Variants in ADCY1 observed in about 807,000 individuals in gnomAD.
The protein encoded by ADCY1 is adenylate cyclase type 1.
In ADCY1, 28 loss-of-function variants were observed where a neutral mutation model predicts 105.4. The observed-to-expected ratio is 0.27, with a 90% confidence interval of 0.20 to 0.36. The LOEUF is 0.36. ADCY1 is among the 10% of genes least tolerant of loss of function. The probability of loss-of-function intolerance (pLI) is 1.00; values close to 1 mark genes in which losing one functional copy is unlikely to be tolerated. For missense variants in ADCY1, 977 were observed against 1,434.2 expected (o/e 0.68, Z 5.15); for synonymous variants, 655 against 623.8 (o/e 1.05, Z -0.75).
intron 4 of ADCY1, among the ~76,000 whole-genome samples, chr7:45,637,934 C>CTGT (rs1794436866): frequency 6.6e-6 from 1 of 152,206 alleles, no homozygotes; most frequent in Non-Finnish European, 1.5e-5. Context: ...TTCTCTCATG[C>CTGT]TGTCTCCAAT....
intron 3 of ADCY1, among the ~76,000 whole-genome samples, chr7:45,614,130 A>C (rs1793667083): frequency 6.6e-6 from 1 of 152,228 alleles, no homozygotes; most frequent in African/African-American, 2.4e-5. Flanking sequence ...TATTACTGTA[A>C]TTGTAGTGCA....
At position 45,710,818 on chromosome 7, in the gene ADCY1, C is replaced by T. The variant is rs540933566; in HGVS notation, c.3057+166C>T. On this transcript the variant is annotated intron_variant, in intron 19 of 19. Coordinates refer to ENST00000297323, the MANE Select transcript of ADCY1 (RefSeq NM_021116.4). This position sits in a 1 kb window ranked among gnomAD's most constrained non-coding sequence, Gnocchi z 4.7. ...GCTCTGGAGGGCATCCTGGCCCGGG[C>T]ATCTTGATTTTGCTGTTTGGTTTGT... Among the ~76,000 whole-genome samples, 60 of 152,302 alleles carry T rather than the reference C, an allele frequency of 3.9e-4. No homozygotes were observed. The highest frequency in any genetic ancestry group is 2.2e-3 in the Admixed American group (33 of 15,304).
chr7:45,586,790 C>T lies in ADCY1; in HGVS notation c.640-5969C>T, dbSNP rs139784282. Among the ~76,000 whole-genome samples, 362 of 152,330 alleles carry T rather than the reference C, an allele frequency of 2.4e-3. 1 individual carries two copies. The highest frequency in any genetic ancestry group is 3.9e-3 in the Non-Finnish European group (266 of 68,032). On this transcript the variant is annotated intron_variant, in intron 1 of 19. Transcript: ENST00000297323. The stretch of plus-strand genomic sequence containing the variant: ...GACACCTGGGAGGTGGCAGGCTGAT[C>T]GCAGTCTGGGAATTTACCAATGAGA...
intron 4 of ADCY1, among the ~76,000 whole-genome samples, chr7:45,643,054 G>C (rs7777413): frequency 0.033 from 4,939 of 150,172 alleles, 121 homozygotes; most frequent in African/African-American, 0.064. Flanking sequence ...TTTATTTTTG[G>C]TGTTAAATTT....
At chr7:45,610,781 G>GT (rs1351223761) in intron 3 of ADCY1, among the ~76,000 whole-genome samples, 2 of 129,398 alleles carry the variant, frequency 1.5e-5, no homozygotes, top group South Asian at 2.6e-4. Context: ...TGGAGGTGTG[G>GT]GGGTGATGGT....
rs1220821565 is a variant in ADCY1, at chr7:45,721,628, G to A, written c.*7633G>A. ...ACTTTTACTTTCATCTTCCTCTGCT[G>A]TAGAGCCATTTAATGTTATTGTCAT... On this transcript the variant is annotated 3_prime_UTR_variant, in exon 20 of 20. Coordinates refer to ENST00000297323, the MANE Select transcript of ADCY1 (RefSeq NM_021116.4). The A allele has an allele frequency of 7.5e-6, 3 of 398,510 alleles. No individual in the cohort carries two copies. Among genetic ancestry groups the A allele is most frequent in the Admixed American group, 4.4e-5 (1 of 22,710 alleles). 24.7% of individuals were successfully genotyped at this position (398,510 alleles called of 1,614,324 possible).
chr7:45,643,796 T>A (rs1396416798), intron 4 of ADCY1, among the ~76,000 whole-genome samples: 1 of 152,146 alleles, frequency 6.6e-6, no homozygotes, highest in Non-Finnish European at 1.5e-5. Flanking sequence ...CCTCCATGGT[T>A]CCTTTTGGTT....
chr7:45,636,503 C>CT (rs1294171116), intron 4 of ADCY1, among the ~76,000 whole-genome samples: 6 of 152,126 alleles, frequency 3.9e-5, no homozygotes, highest in African/African-American at 1.4e-4. Context: ...TGTGGAGGGT[C>CT]TGTGTCTTAT....
rs58025464 is a variant in ADCY1 at position 45,673,964 on chromosome 7, CATATATATATATATATAT to C, written c.1606-3878_1606-3861del. Among the ~76,000 whole-genome samples, 827 of 115,134 alleles carry C rather than the reference CATATATATATATATATAT, an allele frequency of 7.2e-3. 17 individuals carry two copies. The highest frequency in any genetic ancestry group is 0.027 in the African/African-American group (679 of 24,814). The allele number at this position is 115,134 out of a possible 152,430, so 75.5% of individuals were successfully genotyped here. A position where few individuals can be genotyped will look rare whatever the true frequency, so the allele number is the denominator to read the frequency against. On this transcript the variant is annotated intron_variant, in intron 8 of 19. Coordinates refer to ENST00000297323, the MANE Select transcript of ADCY1 (RefSeq NM_021116.4). ...TTTGGCATATGTTCATTCAGATGAG[CATATATATATATATATAT>C]ATATATATATATATATATATATATA... is the stretch of plus-strand genomic sequence containing the variant.
intron 1 of ADCY1, among the ~76,000 whole-genome samples, chr7:45,576,105 G>T (rs566171167): frequency 2.0e-5 from 3 of 152,376 alleles, no homozygotes; most frequent in African/African-American, 7.2e-5. Context: ...GCCTCTAGCT[G>T]CAGTTTAGCA....
At chr7:45,709,089 TC>T (rs1445284936) in intron 18 of ADCY1, among the ~76,000 whole-genome samples, 1 of 152,160 alleles carries the variant, frequency 6.6e-6, no homozygotes, top group African/African-American at 2.4e-5. Context: ...AATTCAAACA[TC>T]CAGTAGCCTT....
At chr7:45,676,470 G>A (rs1200964187) in intron 8 of ADCY1, among the ~76,000 whole-genome samples, 1 of 151,936 alleles carries the variant, frequency 6.6e-6, no homozygotes, top group Non-Finnish European at 1.5e-5. Context: ...GTGATACTCT[G>A]GATCCTACTG....
intron 4 of ADCY1, among the ~76,000 whole-genome samples, chr7:45,623,036 G>C (rs1012084391): frequency 2.6e-5 from 4 of 152,240 alleles, no homozygotes; most frequent in Non-Finnish European, 4.4e-5. Context: ...ACGTAGGTAC[G>C]GGTCTGTCCT....
intron 5 of ADCY1, among the ~76,000 whole-genome samples, chr7:45,654,446 T>G (rs1212203851): frequency 2.0e-5 from 3 of 152,240 alleles, no homozygotes; most frequent in Non-Finnish European, 4.4e-5. Context: ...ACTTTTGAGC[T>G]GCTAAGTTCA....
chr7:45,645,765 A>G (rs1426405666), intron 4 of ADCY1, among the ~76,000 whole-genome samples: 1 of 151,938 alleles, frequency 6.6e-6, no homozygotes, highest in Non-Finnish European at 1.5e-5. Context: ...GACCCACATC[A>G]CCCTCAAAGT....
At chr7:45,597,873 A>C (rs1793120825) in intron 2 of ADCY1, among the ~76,000 whole-genome samples, 1 of 152,172 alleles carries the variant, frequency 6.6e-6, no homozygotes. Flanking sequence ...TCTCTGCTGT[A>C]CTTAGGAAAG....
intron 11 of ADCY1, chr7:45,680,557 A>C (rs182235532): frequency 6.6e-6 from 1 of 152,404 alleles, no homozygotes; most frequent in East Asian, 1.9e-4. Flanking sequence ...AACTTTTTGA[A>C]AAGATTAAAT....
chr7:45,623,904 TC>T (rs1051336730), intron 4 of ADCY1, among the ~76,000 whole-genome samples: 1 of 152,106 alleles, frequency 6.6e-6, no homozygotes, highest in African/African-American at 2.4e-5. Flanking sequence ...ACACCTAGCA[TC>T]CCTGCCCTGT....
chr7:45,592,622 C>G, intron 1 of ADCY1, 137 bp from the exon 2 acceptor site: 1 of 1,186,004 alleles, frequency 8.4e-7, no homozygotes. Flanking sequence ...CTCCCTGTGT[C>G]CCTGGCCCTG....
Sources: allele counts gnomAD v4.1 joint callset (sites outside exome capture counted in the v4.1 genomes callset), GRCh38; gene constraint gnomAD v4.1.1; non-coding constraint Gnocchi (gnomAD v3.1); transcripts MANE v1.5; gene names NCBI Gene and HGNC (gene_info 2026-07-23, HGNC 2026-07-21).